The following MTSS1 variants were observed in gnomAD, a reference collection of about 807,000 sequenced individuals.
MTSS1 encodes the protein protein MTSS 1.
A neutral mutation model predicts 79.0 loss-of-function variants in MTSS1; 18 were observed. The ratio of observed to expected loss-of-function variants is 0.23; its 90% CI spans 0.16 to 0.34. MTSS1 has a LOEUF of 0.34. Ranked by LOEUF, MTSS1 falls within the 10% of genes least tolerant of loss-of-function variation. The pLI is 1.00. For missense variants in MTSS1, 815 were observed against 986.2 expected, an observed-to-expected ratio of 0.83 and a Z score of 2.33; for synonymous variants, 341 against 368.6, an observed-to-expected ratio of 0.93 and a Z score of 0.86.
chr8:124,665,633 C>T (rs374223140), intron 3 of MTSS1, among the ~76,000 whole-genome samples: 24 of 152,072 alleles, frequency 1.6e-4, no homozygotes, highest in African/African-American at 5.3e-4. Flanking sequence ...TTTGGGAGGC[C>T]GAGGCGGGTG....
intron 3 of MTSS1, among the ~76,000 whole-genome samples, chr8:124,615,091 T>C (rs1042429200): frequency 1.3e-5 from 2 of 152,102 alleles, no homozygotes; most frequent in African/African-American, 4.8e-5. Flanking sequence ...GGCCTGGCAG[T>C]ACAAGAGAAC....
In MTSS1 at chr8:124,727,420, T is replaced by G. The variant is rs1461556174; in HGVS notation, c.72+464A>C. ...GAGGGACTGGCTTTCCCTCTCAGTC[T>G]CCTAGGCTAGGGGACTCCTTCCTGC... is the stretch of plus-strand genomic sequence containing the variant. On this transcript the variant is annotated intron_variant, in intron 1 of 13. Coordinates refer to ENST00000518547, the MANE Select transcript of MTSS1 (RefSeq NM_014751.6). The surrounding 1 kb of genome is among the most constrained non-coding windows in gnomAD (Gnocchi z 4.7). 2 of 386,954 alleles carry G rather than the reference T, an allele frequency of 5.2e-6. No individual in the cohort carries two copies. The highest frequency in any genetic ancestry group is 1.0e-5 in the Non-Finnish European group (2 of 195,818). 24.0% of individuals were successfully genotyped at this position (386,954 alleles called of 1,614,324 possible).
At position 124,552,292 on chromosome 8, in the gene MTSS1, G is replaced by C. The variant is rs1481467684; in HGVS notation, c.*700C>G. ...CACTGCAATCCAGTATGGCTTATTCGGATGCATTTACCATGAAGCTACCAG... is the reference window on the plus strand; with the variant it reads ...CACTGCAATCCAGTATGGCTTATTCCGATGCATTTACCATGAAGCTACCAG... On this transcript the variant is annotated 3_prime_UTR_variant, in exon 14 of 14. Transcript: ENST00000518547. The C allele has an allele frequency of 6.5e-6, 1 of 153,086 alleles. No homozygotes were observed. 9.5% of individuals were successfully genotyped at this position (153,086 alleles called of 1,614,324 possible). A position where few individuals can be genotyped will look rare whatever the true frequency, so the allele number is the denominator to read the frequency against.
intron 3 of MTSS1, among the ~76,000 whole-genome samples, chr8:124,665,188 G>A (rs1285617177): frequency 1.3e-5 from 2 of 152,154 alleles, no homozygotes; most frequent in East Asian, 1.9e-4. Context: ...ATAAGAAGCA[G>A]GGCTGCCTTC....
chr8:124,648,805 C>T (rs1395488168), intron 3 of MTSS1, among the ~76,000 whole-genome samples: 1 of 151,888 alleles, frequency 6.6e-6, no homozygotes, highest in African/African-American at 2.4e-5. Flanking sequence ...AGATGGACAC[C>T]ACAAGGCCAT....
intron 1 of MTSS1, among the ~76,000 whole-genome samples, chr8:124,706,453 A>C (rs1369248372): frequency 1.3e-5 from 2 of 152,230 alleles, no homozygotes; most frequent in Non-Finnish European, 2.9e-5. Flanking sequence ...ATCCACCCGA[A>C]CTCTAAAGTC....
At chr8:124,663,173 G>C (rs1395521425) in intron 3 of MTSS1, among the ~76,000 whole-genome samples, 1 of 152,122 alleles carries the variant, frequency 6.6e-6, no homozygotes, top group East Asian at 1.9e-4. Flanking sequence ...AGGAAAAGAG[G>C]GAGTGCCAGC....
chr8:124,604,702 A>G (rs894744351), intron 3 of MTSS1, among the ~76,000 whole-genome samples: 1 of 152,164 alleles, frequency 6.6e-6, no homozygotes, highest in Admixed American at 6.5e-5. Flanking sequence ...CATTCAGCAA[A>G]TGCTAGGTAG....
chr8:124,602,186 T>A (rs1409555510), intron 3 of MTSS1, among the ~76,000 whole-genome samples: 1 of 135,678 alleles, frequency 7.4e-6, no homozygotes, highest in South Asian at 2.3e-4. Flanking sequence ...CTCATATATA[T>A]ACATATATAT....
chr8:124,641,234 C>T lies in MTSS1; in HGVS notation c.209-49999G>A, dbSNP rs781255424. On this transcript the variant is annotated intron_variant, in intron 3 of 13. Coordinates refer to ENST00000518547, the MANE Select transcript of MTSS1 (RefSeq NM_014751.6). ...ACCACAGTCACTTTGGCCAGCAGGC[C>T]CAGTGCAGGCTGGTTAAGAGAGCTC... Among the ~76,000 whole-genome samples, 73 of 152,204 alleles carry T rather than the reference C, an allele frequency of 4.8e-4. 1 individual carries two copies. The highest frequency in any genetic ancestry group is 2.9e-3 in the Admixed American group (45 of 15,278).
chr8:124,637,834 G>A (rs1018263801), intron 3 of MTSS1, among the ~76,000 whole-genome samples: 10 of 152,222 alleles, frequency 6.6e-5, no homozygotes, highest in African/African-American at 2.4e-4. Context: ...CGTTCATTCT[G>A]TGCAAACGTT....
At chr8:124,622,281 G>A (rs955353900) in intron 3 of MTSS1, among the ~76,000 whole-genome samples, 1 of 151,182 alleles carries the variant, frequency 6.6e-6, no homozygotes, top group Non-Finnish European at 1.5e-5. Flanking sequence ...AGAAGACATA[G>A]AAAATAAAAC....
At chr8:124,600,971 T>C (rs184091020) in intron 3 of MTSS1, among the ~76,000 whole-genome samples, 202 of 151,950 alleles carry the variant, frequency 1.3e-3, no homozygotes, top group African/African-American at 4.3e-3. Flanking sequence ...GCCTCCATCC[T>C]CTGCCCCCAC....
chr8:124,662,748 T>C (rs1822301839), intron 3 of MTSS1, among the ~76,000 whole-genome samples: 1 of 152,202 alleles, frequency 6.6e-6, no homozygotes, highest in East Asian at 1.9e-4. Context: ...AATGCTTTTT[T>C]ATTTGTAAGT....
At chr8:124,583,456 T>C (rs192000025) in intron 6 of MTSS1, among the ~76,000 whole-genome samples, 26 of 152,328 alleles carry the variant, frequency 1.7e-4, no homozygotes, top group African/African-American at 6.0e-4. Context: ...AATCACCCTA[T>C]CAGGCTTCAC....
rs1248176004 is a variant in MTSS1 at position 124,718,381 on chromosome 8, G to A, written c.72+9503C>T. ...GACCCCCGCTCCAGGTCAACTTCTGGTTGCAGGATGACCTCAGTCCCTCCA... is the reference window on the plus strand; with the variant it reads ...GACCCCCGCTCCAGGTCAACTTCTGATTGCAGGATGACCTCAGTCCCTCCA... On this transcript the variant is annotated intron_variant, in intron 1 of 13. Transcript: ENST00000518547. Among the ~76,000 whole-genome samples, 4 of 151,954 alleles carry A rather than the reference G, an allele frequency of 2.6e-5. No homozygotes were observed. In the East Asian group the frequency reaches 7.7e-4, roughly 29 times the overall value.
intron 1 of MTSS1, among the ~76,000 whole-genome samples, chr8:124,715,719 T>C (rs1831843350): frequency 6.6e-6 from 1 of 152,198 alleles, no homozygotes; most frequent in African/African-American, 2.4e-5. Flanking sequence ...TTGAATGTCA[T>C]TTTTCTTGCC....
At chr8:124,717,219 T>A (rs561367370) in intron 1 of MTSS1, among the ~76,000 whole-genome samples, 1 of 152,116 alleles carries the variant, frequency 6.6e-6, no homozygotes. Flanking sequence ...AGACTGGGCA[T>A]GGTGGCTCAT....
rs201861291 is a variant in MTSS1, at chr8:124,698,510, T to C, written c.208+1016A>G. Among the ~76,000 whole-genome samples the C allele has an allele frequency of 1.0e-4, 15 of 148,194 alleles. No homozygotes were observed. The East Asian group carries it at 1.2e-3, about 12-fold the overall frequency. On this transcript the variant is annotated intron_variant, in intron 3 of 13. Coordinates refer to ENST00000518547, the MANE Select transcript of MTSS1 (RefSeq NM_014751.6). ...AATGTTGCATGTGTTGCTTTTCTTT[T>C]TTTTTTTTTTTTTTTTGAGACAGAG...
Sources: gnomAD v4.1 joint callset for allele counts (sites outside exome capture counted in the v4.1 genomes callset) on GRCh38, gnomAD v4.1.1 for gene constraint, Gnocchi (gnomAD v3.1) non-coding constraint, MANE v1.5 for transcripts, NCBI Gene and HGNC (gene_info 2026-07-23, HGNC 2026-07-21) for gene names.